YWHAZ: variants seen among roughly 807,000 people sequenced by gnomAD.
YWHAZ encodes tyrosine 3-monooxygenase/tryptophan 5-monooxygenase activation protein zeta.
For synonymous variants in YWHAZ, 87 were observed against 103.6 expected (o/e 0.84, Z 0.97); for missense variants, 79 against 284.8 (o/e 0.28, Z 5.20).
chr8:100,925,298 T>A (rs1813283596), intron 2 of YWHAZ, among the ~76,000 whole-genome samples: 2 of 152,210 alleles, frequency 1.3e-5, no homozygotes. Context: ...CCTGACAATG[T>A]TATCTATTTA....
At position 100,920,689 on chromosome 8, in the gene YWHAZ, C is replaced by T; in HGVS notation, c.*4G>A. 2 of 1,602,266 alleles carry T rather than the reference C, an allele frequency of 1.2e-6. No individual in the cohort carries two copies. Among genetic ancestry groups the T allele is most frequent in the South Asian group, 2.2e-5 (2 of 90,872 alleles). On this transcript the variant is annotated 3_prime_UTR_variant, in exon 6 of 6. Coordinates refer to ENST00000395958, the MANE Select transcript of YWHAZ (RefSeq NM_145690.3). The stretch of plus-strand genomic sequence containing the variant: ...AATGAGGCAGACAAAAGTTGGAAGG[C>T]CGGTTAATTTTCCCCTCCTTCTCCT...
chr8:100,940,948 G>T (rs562383182), intron 2 of YWHAZ, among the ~76,000 whole-genome samples: 23 of 152,270 alleles, frequency 1.5e-4, no homozygotes, highest in African/African-American at 5.3e-4. Flanking sequence ...TTTTATCTCT[G>T]CTCCAATTAA....
At chr8:100,951,713 T>C in intron 1 of YWHAZ, 1 of 985,216 alleles carries the variant, frequency 1.0e-6, no homozygotes, top group South Asian at 4.7e-5. Flanking sequence ...GGGGCGTCGA[T>C]GCGGAAGCAA....
chr8:100,948,617 T>A lies in YWHAZ; in HGVS notation c.273A>T (p.Arg91Ser), dbSNP rs1563691443. ...TCACCAGTACATCATTGCAGATATC[T>A]CTTAGCTCCGTCTCAATTTTCTCTC... is the stretch of plus-strand genomic sequence containing the variant. Reference protein sequence around the residue: ...EYREKIETELRDICNDVLSLL... With the variant: ...EYREKIETELSDICNDVLSLL... The change falls in exon 2 of 6, where the codon AGA (arginine) becomes AGT (serine). Residue 91 changes from arginine to serine, a missense_variant. Transcript: ENST00000395958. The surrounding 1 kb of genome is among the most constrained non-coding windows in gnomAD (Gnocchi z 4.2). 2 of 1,611,400 alleles carry A rather than the reference T, an allele frequency of 1.2e-6. No homozygotes were observed. Among genetic ancestry groups the A allele is most frequent in the Non-Finnish European group, 1.7e-6 (2 of 1,179,844 alleles).
intron 2 of YWHAZ, chr8:100,932,064 C>CT (rs2130195537): frequency 6.6e-6 from 1 of 152,338 alleles, no homozygotes; most frequent in African/African-American, 2.4e-5. Flanking sequence ...TGACAAAACT[C>CT]TGAAATCTTC....
chr8:100,923,947 G>T lies in YWHAZ; in HGVS notation c.678+8C>A, dbSNP rs1281363967. 2 of 1,607,118 alleles carry T rather than the reference G, an allele frequency of 1.2e-6. No individual in the cohort carries two copies. The highest frequency in any genetic ancestry group is 2.2e-5 in the South Asian group (2 of 90,240). On this transcript the variant is annotated splice_region_variant and intron_variant, in intron 5 of 5. Coordinates refer to ENST00000395958, the MANE Select transcript of YWHAZ (RefSeq NM_145690.3). ...CATTCATCACTAATGATGCTGTTAT[G>T]TACTTACTGTCAAGTTGTCTCTCAG...
chr8:100,942,165 G>A (rs1809916354), intron 2 of YWHAZ, among the ~76,000 whole-genome samples: 1 of 152,142 alleles, frequency 6.6e-6, no homozygotes, highest in Admixed American at 6.5e-5. Flanking sequence ...CAAAAGGGCA[G>A]GTGTCACACA....
At chr8:100,932,367 T>C (rs1813818992) in intron 2 of YWHAZ, among the ~76,000 whole-genome samples, 1 of 152,148 alleles carries the variant, frequency 6.6e-6, no homozygotes, top group Admixed American at 6.5e-5. Context: ...TCCTAATATT[T>C]AAGTAATATT....
At chr8:100,938,458 T>C (rs1007933239) in intron 2 of YWHAZ, among the ~76,000 whole-genome samples, 1 of 152,202 alleles carries the variant, frequency 6.6e-6, no homozygotes, top group Non-Finnish European at 1.5e-5. Context: ...CTATAAATTA[T>C]GTAAAACTCC....
intron 2 of YWHAZ, chr8:100,947,987 C>T: frequency 1.1e-6 from 1 of 951,172 alleles, no homozygotes; most frequent in Non-Finnish European, 1.5e-6. Flanking sequence ...ACAGTAAGTA[C>T]TGAATACTTA....
chr8:100,950,343 G>A (rs976616742), intron 1 of YWHAZ: 4 of 980,140 alleles, frequency 4.1e-6, no homozygotes, highest in Non-Finnish European at 4.8e-6. Flanking sequence ...ACACAGTAAC[G>A]AGTGCTCCAA....
intron 5 of YWHAZ, chr8:100,923,077 T>G (rs931673408): frequency 6.6e-6 from 1 of 152,184 alleles, no homozygotes; most frequent in Admixed American, 6.5e-5. Flanking sequence ...AACTGGTTTA[T>G]AGAAAATGGC....
intron 2 of YWHAZ, among the ~76,000 whole-genome samples, chr8:100,937,054 AG>A (rs1382280484): frequency 4.6e-5 from 7 of 152,342 alleles, no homozygotes; most frequent in African/African-American, 1.7e-4. Flanking sequence ...TTAAGATTAT[AG>A]GTTACATAAT....
At chr8:100,923,241 T>C (rs1263394675) in intron 5 of YWHAZ, 1 of 152,234 alleles carries the variant, frequency 6.6e-6, no homozygotes, top group Non-Finnish European at 1.5e-5. Flanking sequence ...AAATGCTTGA[T>C]AATTTTTTCA....
Position 100,920,079 on chromosome 8 carries a change from G to A in YWHAZ, c.*614C>T, listed in dbSNP as rs1160470879. The A allele has an allele frequency of 6.6e-6, 1 of 152,588 alleles. No homozygotes were observed. The highest frequency in any genetic ancestry group is 2.4e-5 in the African/African-American group (1 of 41,446). 9.5% of individuals were successfully genotyped at this position (152,588 alleles called of 1,614,324 possible). On this transcript the variant is annotated 3_prime_UTR_variant, in exon 6 of 6. Transcript: ENST00000395958. ...GCAAAAATAATGAAAGCTAACAGCA[G>A]GTAACTTTACAAATAATGGAATGTG...
chr8:100,950,672 G>A (rs1324363943), intron 1 of YWHAZ: 1 of 874,034 alleles, frequency 1.1e-6, no homozygotes, highest in Non-Finnish European at 1.4e-6. Context: ...GGGGGGGAGA[G>A]ATGGGGAGCG....
At chr8:100,930,692 T>A (rs1007007699) in intron 2 of YWHAZ, among the ~76,000 whole-genome samples, 1 of 152,176 alleles carries the variant, frequency 6.6e-6, no homozygotes. Flanking sequence ...AGAGATGAGG[T>A]CTTGCTCTGT....
intron 2 of YWHAZ, among the ~76,000 whole-genome samples, chr8:100,925,711 A>G (rs1813315201): frequency 6.6e-6 from 1 of 152,234 alleles, no homozygotes; most frequent in South Asian, 2.1e-4. Context: ...GACAACAGAT[A>G]AAATTAAAAC....
At chr8:100,951,185 C>T (rs1181281454) in intron 1 of YWHAZ, 4 of 985,230 alleles carry the variant, frequency 4.1e-6, no homozygotes, top group Non-Finnish European at 4.8e-6. Flanking sequence ...CAAAACCTCA[C>T]CCCGCAGTGG....
Sources: allele counts gnomAD v4.1 joint callset (sites outside exome capture counted in the v4.1 genomes callset), GRCh38; gene constraint gnomAD v4.1.1; non-coding constraint Gnocchi (gnomAD v3.1); transcripts MANE v1.5; gene names NCBI Gene and HGNC (gene_info 2026-07-23, HGNC 2026-07-21).